Variants in LPP observed in about 807,000 individuals in gnomAD.
LPP encodes LIM domain containing preferred translocation partner in lipoma.
Under a neutral mutation model 60.4 loss-of-function variants are expected in LPP, and 38 were observed. The ratio of observed to expected loss-of-function variants is 0.63; its 90% CI spans 0.49 to 0.83. The LOEUF is 0.83. Ranked by LOEUF, LPP falls within the 40% of genes least tolerant of loss-of-function variation. The pLI is 0.00. For synonymous variants in LPP, 328 were observed against 290.8 expected, an observed-to-expected ratio of 1.13 and a Z score of -1.30; for missense variants, 902 against 783.6, an observed-to-expected ratio of 1.15 and a Z score of -1.80.
At chr3:188,686,543 A>G (rs1348790323) in intron 7 of LPP, among the ~76,000 whole-genome samples, 1 of 152,220 alleles carries the variant, frequency 6.6e-6, no homozygotes, top group Non-Finnish European at 1.5e-5. Context: ...TGCAGTTCTT[A>G]TCTTACGTTG....
intron 9 of LPP, among the ~76,000 whole-genome samples, chr3:188,778,210 T>G (rs1453941460): frequency 6.6e-6 from 1 of 152,164 alleles, no homozygotes; most frequent in Non-Finnish European, 1.5e-5. Context: ...ATGGAGAAAT[T>G]TTTTTCTCAT....
intron 5 of LPP, among the ~76,000 whole-genome samples, chr3:188,507,679 C>A (rs908010553): frequency 1.3e-5 from 2 of 151,962 alleles, no homozygotes; most frequent in Non-Finnish European, 2.9e-5. Flanking sequence ...GGATGGGTGG[C>A]GGAGGTGGGG....
At chr3:188,804,883 T>C (rs1160724924) in intron 9 of LPP, among the ~76,000 whole-genome samples, 2 of 152,008 alleles carry the variant, frequency 1.3e-5, no homozygotes, top group African/African-American at 4.8e-5. Flanking sequence ...TTTTCATTAG[T>C]TTTCTGGGAG....
chr3:188,294,855 A>G (rs1747305461), intron 2 of LPP, among the ~76,000 whole-genome samples: 2 of 152,380 alleles, frequency 1.3e-5, no homozygotes, highest in Admixed American at 6.5e-5. Context: ...GAAAGAAACT[A>G]GAAGGAACAA....
chr3:188,817,348 C>T lies in LPP; in HGVS notation c.1411-48852C>T, dbSNP rs552602889. On this transcript the variant is annotated intron_variant, in intron 9 of 11. Transcript: ENST00000617246. ...TCCAGTGTGTAGTAGTGGGCAGTGA[C>T]CTACCAGATGACCTCTTTGAACAAG... is the stretch of plus-strand genomic sequence containing the variant. Among the ~76,000 whole-genome samples the T allele has an allele frequency of 1.1e-4, 17 of 152,266 alleles. No individual in the cohort carries two copies. In the South Asian group the frequency reaches 3.5e-3, roughly 32 times the overall value.
chr3:188,310,439 C>A (rs1222731825), intron 2 of LPP, among the ~76,000 whole-genome samples: 1 of 151,984 alleles, frequency 6.6e-6, no homozygotes. Context: ...GCAAAGTGAA[C>A]TTAAAAAATA....
intron 2 of LPP, among the ~76,000 whole-genome samples, chr3:188,255,881 T>C (rs73059671): frequency 0.017 from 2,571 of 152,302 alleles, 67 homozygotes; most frequent in African/African-American, 0.056. Flanking sequence ...TGTAGGCAAC[T>C]CTGAAATTTT....
intron 4 of LPP, among the ~76,000 whole-genome samples, chr3:188,435,798 T>C (rs981558216): frequency 1.8e-4 from 28 of 152,328 alleles, no homozygotes; most frequent in African/African-American, 6.5e-4. Flanking sequence ...ATGTTGTGTT[T>C]GTAATGTTGC....
At chr3:188,700,367 C>T (rs575379222) in intron 7 of LPP, among the ~76,000 whole-genome samples, 4 of 152,096 alleles carry the variant, frequency 2.6e-5, no homozygotes, top group Non-Finnish European at 4.4e-5. Context: ...ACTCAGGGGG[C>T]TGACATTGCG....
intron 7 of LPP, among the ~76,000 whole-genome samples, chr3:188,661,108 A>G (rs1269403869): frequency 6.6e-6 from 1 of 152,046 alleles, no homozygotes. Context: ...GCCTTTCCAT[A>G]TTGCCATTTT....
chr3:188,224,693 A>T (rs944295557), intron 1 of LPP, among the ~76,000 whole-genome samples: 2 of 152,062 alleles, frequency 1.3e-5, no homozygotes, highest in Non-Finnish European at 2.9e-5. Context: ...GGTGTCTCAG[A>T]TGGCAAAAGC....
rs1175298714 is a variant in LPP, at chr3:188,875,431, C to G, written c.*952C>G. Reference sequence around the variant, plus strand: ...ACAACTATCAAAATTGCCTTTTTCTCTAGAGGATGAAGGCTGTGAAAAAAC... The same window carrying G: ...ACAACTATCAAAATTGCCTTTTTCTGTAGAGGATGAAGGCTGTGAAAAAAC... On this transcript the variant is annotated 3_prime_UTR_variant, in exon 12 of 12. Transcript: ENST00000617246. 8 of 216,760 alleles carry G rather than the reference C, an allele frequency of 3.7e-5. No homozygotes were observed. The highest frequency in any genetic ancestry group is 7.4e-5 in the Non-Finnish European group (8 of 107,796). The allele number at this position is 216,760 out of a possible 1,614,324, so 13.4% of individuals were successfully genotyped here.
intron 9 of LPP, among the ~76,000 whole-genome samples, chr3:188,804,132 T>C (rs1748192305): frequency 6.7e-6 from 1 of 150,050 alleles, no homozygotes; most frequent in Non-Finnish European, 1.5e-5. Flanking sequence ...TTGATCTTTG[T>C]ATATTGCCCA....
intron 8 of LPP, among the ~76,000 whole-genome samples, chr3:188,731,348 C>G (rs1449678358): frequency 6.6e-6 from 1 of 151,976 alleles, no homozygotes; most frequent in Non-Finnish European, 1.5e-5. Flanking sequence ...AAAGATCATT[C>G]GGATTTAACA....
At chr3:188,536,985 A>G (rs1173842256) in intron 6 of LPP, among the ~76,000 whole-genome samples, 1 of 152,216 alleles carries the variant, frequency 6.6e-6, no homozygotes, top group Non-Finnish European at 1.5e-5. Context: ...TTATTTCCCA[A>G]ATGGCCAACT....
At chr3:188,753,625 T>C (rs1728879914) in intron 8 of LPP, among the ~76,000 whole-genome samples, 1 of 149,474 alleles carries the variant, frequency 6.7e-6, no homozygotes, top group African/African-American at 2.5e-5. Flanking sequence ...GTTTTGTTTT[T>C]TGTTTTTTTT....
At chr3:188,421,877 A>G (rs556106429) in intron 4 of LPP, among the ~76,000 whole-genome samples, 1 of 152,182 alleles carries the variant, frequency 6.6e-6, no homozygotes, top group Non-Finnish European at 1.5e-5. Flanking sequence ...CCTGGCCGTG[A>G]TCTTACAGTC....
chr3:188,295,272 C>A (rs1259029489), intron 2 of LPP, among the ~76,000 whole-genome samples: 1 of 152,214 alleles, frequency 6.6e-6, no homozygotes, highest in African/African-American at 2.4e-5. Context: ...AAGTGACTCA[C>A]TTCTCTGAGC....
intron 6 of LPP, among the ~76,000 whole-genome samples, chr3:188,550,543 A>G (rs2150511736): frequency 7.5e-6 from 1 of 133,660 alleles, no homozygotes; most frequent in Non-Finnish European, 1.5e-5. Flanking sequence ...ACGCCACTGC[A>G]CTCCAGCCTG....
Sources: allele counts gnomAD v4.1 joint callset (sites outside exome capture counted in the v4.1 genomes callset), GRCh38; gene constraint gnomAD v4.1.1; transcripts MANE v1.5; gene names NCBI Gene and HGNC (gene_info 2026-07-23, HGNC 2026-07-21).